MCU: variants seen among roughly 807,000 people sequenced by gnomAD.
The protein encoded by MCU is calcium uniporter protein, mitochondrial.
Under a neutral mutation model 45.2 loss-of-function variants are expected in MCU, and 12 were observed. The ratio of observed to expected loss-of-function variants is 0.27; its 90% confidence interval spans 0.17 to 0.43. The LOEUF (loss-of-function observed/expected upper bound fraction) is 0.43. MCU is among the 20% of genes least tolerant of loss of function. MCU has a pLI of 1.00. For synonymous variants in MCU, 160 were observed against 165.1 expected, an observed-to-expected ratio of 0.97 and a Z score of 0.24; for missense variants, 324 against 436.7, an observed-to-expected ratio of 0.74 and a Z score of 2.30.
chr10:72,729,952 C>CATTT (rs1413419136), intron 1 of MCU, among the ~76,000 whole-genome samples: 2 of 90,554 alleles, frequency 2.2e-5, no homozygotes, highest in African/African-American at 7.7e-5. Context: ...CTTCAGCATT[C>CATTT]TTTTTTTTTT....
At chr10:72,755,558 A>C (rs937601698) in intron 1 of MCU, among the ~76,000 whole-genome samples, 5 of 152,232 alleles carry the variant, frequency 3.3e-5, no homozygotes, top group African/African-American at 1.2e-4. Context: ...AGTTAAATAC[A>C]TGAAGCATTT....
intron 1 of MCU, among the ~76,000 whole-genome samples, chr10:72,693,856 G>A (rs1199223630): frequency 2.0e-5 from 3 of 152,166 alleles, no homozygotes; most frequent in Non-Finnish European, 4.4e-5. Context: ...CTACTTAAAG[G>A]CTTCCCAAGT....
intron 1 of MCU, among the ~76,000 whole-genome samples, chr10:72,789,370 T>C (rs1301548602): frequency 6.6e-6 from 1 of 152,178 alleles, no homozygotes; most frequent in Non-Finnish European, 1.5e-5. Flanking sequence ...CCATTACATA[T>C]TAATTATAAT....
At chr10:72,882,382 GCCATATTT>G (rs1417141170) in intron 6 of MCU, among the ~76,000 whole-genome samples, 1 of 152,202 alleles carries the variant, frequency 6.6e-6, no homozygotes, top group Non-Finnish European at 1.5e-5. Context: ...GTGGAACAGA[GCCATATTT>G]CTCTTCTTTC....
intron 1 of MCU, among the ~76,000 whole-genome samples, chr10:72,748,486 T>G (rs548774396): frequency 6.6e-6 from 1 of 152,286 alleles, no homozygotes; most frequent in Admixed American, 6.5e-5. Context: ...AGTAATAACT[T>G]TTTTCCTGTC....
chr10:72,729,102 A>G (rs192019924), intron 1 of MCU, among the ~76,000 whole-genome samples: 37 of 152,336 alleles, frequency 2.4e-4, no homozygotes, highest in African/African-American at 8.9e-4. Flanking sequence ...AAATACCAAA[A>G]GGCTCTAAAC....
chr10:72,772,138 C>T (rs974059551), intron 1 of MCU, among the ~76,000 whole-genome samples: 1 of 152,174 alleles, frequency 6.6e-6, no homozygotes, highest in Non-Finnish European at 1.5e-5. Flanking sequence ...GGAGGTGGGA[C>T]TACCATCCTC....
At chr10:72,848,615 T>G (rs1476413671) in intron 2 of MCU, among the ~76,000 whole-genome samples, 1 of 152,090 alleles carries the variant, frequency 6.6e-6, no homozygotes, top group Non-Finnish European at 1.5e-5. Flanking sequence ...CAAGGTGAGT[T>G]TTGGAGGAGA....
intron 2 of MCU, among the ~76,000 whole-genome samples, chr10:72,857,252 T>A (rs2132865824): frequency 6.6e-6 from 1 of 151,552 alleles, no homozygotes; most frequent in African/African-American, 2.4e-5. Context: ...CCCCCCCCTT[T>A]TTTTTTCAGA....
intron 1 of MCU, among the ~76,000 whole-genome samples, chr10:72,758,072 T>A (rs1025549182): frequency 1.3e-5 from 2 of 152,148 alleles, no homozygotes; most frequent in Admixed American, 6.5e-5. Context: ...TGGAGTAAGA[T>A]TTGTGATCCC....
chr10:72,727,699 C>T (rs1167755546), intron 1 of MCU, among the ~76,000 whole-genome samples: 3 of 152,032 alleles, frequency 2.0e-5, no homozygotes, highest in Non-Finnish European at 4.4e-5. Context: ...GTATGGGAAG[C>T]ACTATGCTAC....
chr10:72,823,290 C>T (rs1216094870), intron 1 of MCU, among the ~76,000 whole-genome samples: 2 of 152,206 alleles, frequency 1.3e-5, no homozygotes, highest in African/African-American at 4.8e-5. Flanking sequence ...GGGCCCCGTG[C>T]ATGCTTAGAA....
chr10:72,853,690 G>A (rs1845243401), intron 2 of MCU, among the ~76,000 whole-genome samples: 1 of 152,154 alleles, frequency 6.6e-6, no homozygotes, highest in Non-Finnish European at 1.5e-5. Flanking sequence ...CAGTCAAATT[G>A]TTGAAAACCA....
chr10:72,884,305 C>A lies in MCU; in HGVS notation c.901C>A (p.Leu301Ile), dbSNP rs771008301. Residue 301 changes from leucine (L) to isoleucine (I), a missense_variant, in exon 7 of 8, where the codon CTA becomes ATA. Around this residue, in one of 4 missense-constraint regions of MCU, gnomAD observed 76 missense variants for 99.4 expected, o/e 0.76. Coordinates refer to ENST00000373053, the MANE Select transcript of MCU (RefSeq NM_138357.3). ...YPEARDRQYL[L>I]FFHKGAKKSR... ...AGAAGCCAGAGACAGACAATACTTA[C>A]TATTTTTCCATAAAGGAGCCAAAAA... is the stretch of plus-strand genomic sequence containing the variant. 6.2e-7 allele frequency: 1 copy of A among 1,611,670 alleles called. No homozygotes were observed. The highest frequency in any genetic ancestry group is 1.1e-5 in the South Asian group (1 of 91,044).
At chr10:72,769,796 A>G (rs1286051307) in intron 1 of MCU, among the ~76,000 whole-genome samples, 6 of 152,204 alleles carry the variant, frequency 3.9e-5, no homozygotes, top group Admixed American at 3.9e-4. Flanking sequence ...TTCCAGCCCT[A>G]GGCAACCAGT....
At chr10:72,808,825 C>T (rs1378267507) in intron 1 of MCU, among the ~76,000 whole-genome samples, 1 of 152,064 alleles carries the variant, frequency 6.6e-6, no homozygotes, top group Admixed American at 6.6e-5. Context: ...TTTAGACAGC[C>T]AGATCTCGTG....
chr10:72,831,651 A>G (rs1371793814), intron 1 of MCU, among the ~76,000 whole-genome samples: 1 of 152,192 alleles, frequency 6.6e-6, no homozygotes, highest in Non-Finnish European at 1.5e-5. Context: ...GAGGTGTTAA[A>G]TGTATGGGGG....
At chr10:72,772,128 G>A (rs1405537676) in intron 1 of MCU, among the ~76,000 whole-genome samples, 1 of 152,190 alleles carries the variant, frequency 6.6e-6, no homozygotes, top group Non-Finnish European at 1.5e-5. Flanking sequence ...GACAAAGTGG[G>A]GAGGTGGGAC....
intron 1 of MCU, among the ~76,000 whole-genome samples, chr10:72,700,101 C>T (rs1336748791): frequency 7.0e-6 from 1 of 143,402 alleles, no homozygotes; most frequent in Non-Finnish European, 1.5e-5. Context: ...CTGTTGTTGC[C>T]CAGGCTGGAG....
Sources: allele counts gnomAD v4.1 joint callset (sites outside exome capture counted in the v4.1 genomes callset), GRCh38; gene constraint gnomAD v4.1.1; regional missense constraint gnomAD v4.1.1; transcripts MANE v1.5; gene names NCBI Gene and HGNC (gene_info 2026-07-23, HGNC 2026-07-21).